Variants in GPR107 observed in about 807,000 individuals in gnomAD.
GPR107 encodes G protein-coupled receptor 107.
A neutral mutation model predicts 75.5 loss-of-function variants in GPR107; 31 were observed. The observed-to-expected ratio is 0.41, with a 90% CI of 0.31 to 0.55. The LOEUF is 0.55. Ranked by LOEUF, GPR107 falls within the 20% of genes least tolerant of loss-of-function variation. The pLI is 0.26. For synonymous variants in GPR107, 267 were observed against 251.3 expected, an observed-to-expected ratio of 1.06 and a Z score of -0.59; for missense variants, 572 against 665.7, an observed-to-expected ratio of 0.86 and a Z score of 1.55.
At chr9:130,131,788 C>A (rs541241771) in intron 17 of GPR107, among the ~76,000 whole-genome samples, 3 of 152,212 alleles carry the variant, frequency 2.0e-5, no homozygotes, top group South Asian at 4.2e-4. Flanking sequence ...TTACTTTGTG[C>A]CTCTCACCCC....
chr9:130,063,321 G>A (rs1829977893), intron 1 of GPR107, among the ~76,000 whole-genome samples: 1 of 152,016 alleles, frequency 6.6e-6, no homozygotes, highest in Non-Finnish European at 1.5e-5. Context: ...CTCCCGAGTA[G>A]CTGGGACTAC....
At chr9:130,117,790 T>C (rs1204559196) in intron 14 of GPR107, among the ~76,000 whole-genome samples, 2 of 152,304 alleles carry the variant, frequency 1.3e-5, no homozygotes, top group Non-Finnish European at 2.9e-5. Flanking sequence ...GCTCTGAGGC[T>C]GTCCTTACAC....
intron 1 of GPR107, among the ~76,000 whole-genome samples, chr9:130,062,206 G>C (rs1829941464): frequency 6.6e-6 from 1 of 151,358 alleles, no homozygotes. Flanking sequence ...CCTGAGGTCG[G>C]GTTTGAGACC....
chr9:130,121,105 C>T (rs969005455), intron 14 of GPR107, among the ~76,000 whole-genome samples: 2 of 152,070 alleles, frequency 1.3e-5, no homozygotes, highest in African/African-American at 4.8e-5. Flanking sequence ...CATGTAAGCC[C>T]AGCAGGCTGA....
intron 14 of GPR107, among the ~76,000 whole-genome samples, chr9:130,109,954 G>A (rs868722075): frequency 3.3e-5 from 5 of 152,082 alleles, no homozygotes; most frequent in African/African-American, 4.8e-5. Context: ...TGGTTCTTCC[G>A]GCTGTTTGGC....
At chr9:130,064,359 G>A (rs1007143184) in intron 1 of GPR107, among the ~76,000 whole-genome samples, 8 of 150,152 alleles carry the variant, frequency 5.3e-5, no homozygotes, top group Non-Finnish European at 1.0e-4. Context: ...CACCGCGCCC[G>A]GCTAATTTTT....
At chr9:130,070,044 C>A (rs1421390917) in intron 1 of GPR107, among the ~76,000 whole-genome samples, 1 of 132,464 alleles carries the variant, frequency 7.5e-6, no homozygotes, top group Non-Finnish European at 1.5e-5. Context: ...TGCTCTGTTG[C>A]CCAGGCTGGA....
intron 12 of GPR107, 103 bp from the exon 13 acceptor site, chr9:130,104,317 G>C: frequency 1.1e-6 from 1 of 932,964 alleles, no homozygotes; most frequent in Non-Finnish European, 1.7e-6. Flanking sequence ...TGTGGTCGCA[G>C]ATCGTGGGTC....
At chr9:130,132,581 G>GT (rs1554899268) in intron 17 of GPR107, among the ~76,000 whole-genome samples, 2 of 152,206 alleles carry the variant, frequency 1.3e-5, no homozygotes, top group Non-Finnish European at 2.9e-5. Context: ...GAGGTCAGGA[G>GT]TTTGAGACCA....
At chr9:130,064,779 C>T (rs1006351195) in intron 1 of GPR107, among the ~76,000 whole-genome samples, 1 of 151,990 alleles carries the variant, frequency 6.6e-6, no homozygotes, top group Non-Finnish European at 1.5e-5. Context: ...GTGGAGAGGG[C>T]GCAGAGGCAC....
chr9:130,071,557 C>G (rs1218439404), intron 1 of GPR107, among the ~76,000 whole-genome samples: 2 of 152,066 alleles, frequency 1.3e-5, no homozygotes, highest in African/African-American at 4.8e-5. Flanking sequence ...CTTAACCACA[C>G]TGAGCTGAGC....
intron 1 of GPR107, among the ~76,000 whole-genome samples, chr9:130,067,325 G>T (rs1162700158): frequency 6.6e-6 from 1 of 152,194 alleles, no homozygotes; most frequent in African/African-American, 2.4e-5. Context: ...CAGAGACTGT[G>T]CTAAATATTT....
chr9:130,110,727 C>T (rs16931753), intron 14 of GPR107, among the ~76,000 whole-genome samples: 2,469 of 151,222 alleles, frequency 0.016, 28 homozygotes, highest in East Asian at 0.03. Flanking sequence ...GAGCTGCCCT[C>T]GGTTGTGACT....
At chr9:130,118,975 T>A (rs1486730948) in intron 14 of GPR107, among the ~76,000 whole-genome samples, 1 of 152,232 alleles carries the variant, frequency 6.6e-6, no homozygotes, top group African/African-American at 2.4e-5. Flanking sequence ...TTCACCGTAT[T>A]TGCTGCTCCT....
At position 130,053,970 on chromosome 9, in the gene GPR107, G is replaced by T. The variant is rs763015417; in HGVS notation, c.38G>T (p.Arg13Leu). The T allele has an allele frequency of 1.3e-6, 2 of 1,554,198 alleles. No individual in the cohort carries two copies. The highest frequency in any genetic ancestry group is 1.7e-6 in the Non-Finnish European group (2 of 1,150,218). The change falls in exon 1 of 18, where the codon CGC becomes CTC. Residue 13 changes from arginine (R) to leucine (L), a missense_variant. Physicochemically the swap from Arg to Leu is moderately radical, Grantham distance 102 (BLOSUM62 -2). Transcript: ENST00000347136. The part of the protein sequence containing the change: ...ALAPVGSPAS[R>L]GPRLAAGLRL... ...GCGCCCGTCGGCTCCCCCGCCTCCC[G>T]CGGTCCTAGGCTGGCCGCGGGCCTC...
chr9:130,076,678 C>CT (rs1224947478), intron 3 of GPR107, among the ~76,000 whole-genome samples: 1 of 152,090 alleles, frequency 6.6e-6, no homozygotes, highest in African/African-American at 2.4e-5. Flanking sequence ...CCACGCCTGC[C>CT]TAATTTTTGT....
At chr9:130,082,982 A>G (rs1830529172) in intron 5 of GPR107, among the ~76,000 whole-genome samples, 1 of 152,058 alleles carries the variant, frequency 6.6e-6, no homozygotes, top group African/African-American at 2.4e-5. Context: ...GTGCAGTGGT[A>G]TGATCTCAGC....
chr9:130,089,211 C>T (rs1830678509), intron 7 of GPR107, among the ~76,000 whole-genome samples: 1 of 151,782 alleles, frequency 6.6e-6, no homozygotes, highest in African/African-American at 2.4e-5. Context: ...CTTTTTTAAT[C>T]ACAAAGGAAA....
chr9:130,126,009 A>G (rs1013916779), intron 15 of GPR107, among the ~76,000 whole-genome samples: 8 of 150,854 alleles, frequency 5.3e-5, no homozygotes, highest in Admixed American at 4.0e-4. Context: ...AAGCCGAGAT[A>G]GAGTGCCACT....
Sources: gnomAD v4.1 joint callset for allele counts (sites outside exome capture counted in the v4.1 genomes callset) on GRCh38, gnomAD v4.1.1 for gene constraint, MANE v1.5 for transcripts, NCBI Gene and HGNC (gene_info 2026-07-23, HGNC 2026-07-21) for gene names.